DOCK9: variants seen among roughly 807,000 people sequenced by gnomAD.
DOCK9 encodes dedicator of cytokinesis 9, also known as dedicator of cytokinesis protein 9.
In DOCK9, 89 loss-of-function variants were observed where a neutral mutation model predicts 263.3. The ratio of observed to expected loss-of-function variants is 0.34; its 90% CI spans 0.28 to 0.40. The LOEUF (loss-of-function observed/expected upper bound fraction) is 0.40, where lower values mean the gene tolerates loss of function less well. Ranked by LOEUF, DOCK9 falls within the 10% of genes least tolerant of loss-of-function variation. The pLI, the probability that DOCK9 is intolerant of heterozygous loss-of-function variation, is 1.00. For missense variants in DOCK9, 2,140 were observed against 2,603.4 expected, an observed-to-expected ratio of 0.82 and a Z score of 3.87; for synonymous variants, 976 against 973.1, an observed-to-expected ratio of 1.00 and a Z score of -0.06.
Position 99,004,947 on chromosome 13 carries a change from C to G in DOCK9, c.130-49396G>C, listed in dbSNP as rs1417599831. On this transcript the variant is annotated intron_variant, in intron 1 of 32. Coordinates refer to the DOCK9 transcript ENST00000427887. The stretch of plus-strand genomic sequence containing the variant: ...TGTATAAAAGGAAAACCAGAATGTA[C>G]TCTTCATCTATAAATGTACAGATAT... 2.6e-5 allele frequency among the ~76,000 whole-genome samples: 4 copies of G among 152,136 alleles called. No individual in the cohort carries two copies. In the East Asian group the frequency reaches 7.7e-4, roughly 29 times the overall value.
chr13:99,060,055 G>A (rs973743890), intron 1 of DOCK9, among the ~76,000 whole-genome samples: 1 of 74,416 alleles, frequency 1.3e-5, no homozygotes, highest in Non-Finnish European at 2.7e-5. Context: ...ACATTTGATT[G>A]TTTCTACTTT....
chr13:98,800,421 G>T lies in DOCK9; in HGVS notation c.5783C>A (p.Thr1928Asn). 1.2e-6 allele frequency: 2 copies of T among 1,614,046 alleles called. No individual in the cohort carries two copies. The highest frequency in any genetic ancestry group is 8.5e-7 in the Non-Finnish European group (1 of 1,179,908). The change falls in exon 50 of 53, where the codon ACT (threonine) becomes AAT (asparagine). Residue 1928 changes from threonine (T) to asparagine (N), a missense_variant. By Grantham distance (65) the Thr-to-Asn change is moderately conservative (BLOSUM62 0). Transcript: ENST00000682017. ...KRIPVMYQHH[T>N]DLNPIEVAID... ...GGCCACCTCGATGGGGTTCAGGTCA[G>T]TGTGGTGCTGGTACATGACAGGGAT...
intron 9 of DOCK9, among the ~76,000 whole-genome samples, chr13:98,913,126 G>C (rs574970525): frequency 8.2e-4 from 125 of 152,292 alleles, no homozygotes; most frequent in Non-Finnish European, 1.5e-3. Context: ...GCCCTAGCCA[G>C]GGAGGGAGAT....
intron 13 of DOCK9, among the ~76,000 whole-genome samples, chr13:98,899,158 A>C (rs974802644): frequency 6.6e-6 from 1 of 151,696 alleles, no homozygotes; most frequent in Non-Finnish European, 1.5e-5. Context: ...TAGCATCAGC[A>C]TCACTGTAGA....
At chr13:98,891,680 T>C (rs2046637023) in intron 15 of DOCK9, among the ~76,000 whole-genome samples, 1 of 152,222 alleles carries the variant, frequency 6.6e-6, no homozygotes, top group African/African-American at 2.4e-5. Context: ...TATAGTTATT[T>C]CTTATTCTAT....
Position 98,926,794 on chromosome 13 carries a change from A to G in DOCK9, c.334-875T>C, listed in dbSNP as rs150436331. On this transcript the variant is annotated intron_variant, in intron 3 of 52. Coordinates refer to ENST00000682017, the MANE Select transcript of DOCK9 (RefSeq NM_001366683.2). The stretch of plus-strand genomic sequence containing the variant: ...CAGACTTCAGTGTGGGTGGAAAAAA[A>G]GCATGAGTGAATCAATGAAAACATA... Among the ~76,000 whole-genome samples, 16 of 152,396 alleles carry G rather than the reference A, an allele frequency of 1.0e-4. No homozygotes were observed. The East Asian group carries it at 2.5e-3, about 24-fold the overall frequency.
chr13:98,822,373 A>T (rs958620039), intron 45 of DOCK9, among the ~76,000 whole-genome samples: 1 of 152,236 alleles, frequency 6.6e-6, no homozygotes, highest in Admixed American at 6.5e-5. Context: ...CAGATGAGCA[A>T]ATGCAAGCTT....
chr13:98,904,789 T>A (rs1482346321), intron 9 of DOCK9, 83 bp from the exon 10 acceptor site: 9 of 1,239,792 alleles, frequency 7.3e-6, no homozygotes, highest in Non-Finnish European at 1.0e-5. Context: ...AGCTGCCCAG[T>A]CCTGAAGGTT....
chr13:98,875,778 C>A (rs2043729912), intron 27 of DOCK9, among the ~76,000 whole-genome samples: 2 of 152,184 alleles, frequency 1.3e-5, no homozygotes, highest in African/African-American at 2.4e-5. Context: ...CACAGTCATA[C>A]ACAATCCATC....
At chr13:98,919,621 G>C (rs1169364713) in intron 7 of DOCK9, among the ~76,000 whole-genome samples, 1 of 152,202 alleles carries the variant, frequency 6.6e-6, no homozygotes, top group Non-Finnish European at 1.5e-5. Context: ...TGAATCTTTT[G>C]TGAGGGGTTG....
intron 1 of DOCK9, among the ~76,000 whole-genome samples, chr13:99,063,408 G>C (rs1566375752): frequency 6.6e-6 from 1 of 152,178 alleles, no homozygotes; most frequent in Non-Finnish European, 1.5e-5. Context: ...GCCTCACCTG[G>C]GTGTGGGTAC....
chr13:98,975,359 C>T (rs1447427980), intron 1 of DOCK9, among the ~76,000 whole-genome samples: 1 of 147,202 alleles, frequency 6.8e-6, no homozygotes, highest in African/African-American at 2.6e-5. Flanking sequence ...AAGACTTTGT[C>T]TCAAAAAAAA....
intron 1 of DOCK9, among the ~76,000 whole-genome samples, chr13:99,068,519 C>T (rs1324983): frequency 0.53 from 80,020 of 152,026 alleles, 21,328 homozygotes; most frequent in South Asian, 0.68. Flanking sequence ...GAGGCGGAGC[C>T]TGCAGTGAGC....
chr13:98,814,146 T>G (rs1274554036), intron 45 of DOCK9, among the ~76,000 whole-genome samples: 1 of 152,210 alleles, frequency 6.6e-6, no homozygotes, highest in Non-Finnish European at 1.5e-5. Context: ...CAGAAAACGC[T>G]ATCTAAGCAA....
chr13:99,014,577 T>C (rs4378495), intron 1 of DOCK9, among the ~76,000 whole-genome samples: 33,896 of 152,186 alleles, frequency 0.22, 3,779 homozygotes, highest in Middle Eastern at 0.31. Flanking sequence ...CAGTCTCAGA[T>C]GGTAGCCTCA....
At chr13:98,901,687 A>G (rs1442582658) in intron 13 of DOCK9, 91 bp downstream of exon 13, 4 of 1,396,080 alleles carry the variant, frequency 2.9e-6, no homozygotes, top group Non-Finnish European at 3.9e-6. Context: ...AATATGGCTT[A>G]TGTTTGATTT....
At chr13:98,894,413 T>A (rs1164573354) in intron 15 of DOCK9, among the ~76,000 whole-genome samples, 1 of 152,226 alleles carries the variant, frequency 6.6e-6, no homozygotes, top group East Asian at 1.9e-4. Flanking sequence ...TTTATGCCTA[T>A]CTTTCCATCT....
At chr13:98,938,251 T>C (rs893867448) in intron 2 of DOCK9, among the ~76,000 whole-genome samples, 3 of 152,176 alleles carry the variant, frequency 2.0e-5, no homozygotes, top group African/African-American at 7.2e-5. Flanking sequence ...ATCTTAGAAT[T>C]TGAGAAATGA....
chr13:98,901,929 G>C (rs1459432983), intron 12 of DOCK9, 29 bp from the exon 13 acceptor site: 1 of 1,606,588 alleles, frequency 6.2e-7, no homozygotes, highest in Non-Finnish European at 8.5e-7. Flanking sequence ...TCTTCAGTAA[G>C]CAGAATTCAC....
Sources: allele counts gnomAD v4.1 joint callset (sites outside exome capture counted in the v4.1 genomes callset), GRCh38; gene constraint gnomAD v4.1.1; transcripts MANE v1.5; gene names NCBI Gene and HGNC (gene_info 2026-07-23, HGNC 2026-07-21).